KCNIP4: variants seen among roughly 807,000 people sequenced by gnomAD.
The protein encoded by KCNIP4 is potassium voltage-gated channel interacting protein 4.
A neutral mutation model predicts 34.0 loss-of-function variants in KCNIP4; 12 were observed. The observed-to-expected ratio is 0.35, with a 90% CI of 0.23 to 0.57. The LOEUF is 0.57. Ranked by LOEUF, KCNIP4 falls within the 20% of genes least tolerant of loss-of-function variation. KCNIP4 has a pLI of 0.83. For missense variants in KCNIP4, 238 were observed against 311.7 expected (o/e 0.76, Z 1.78); for synonymous variants, 124 against 102.2 (o/e 1.21, Z -1.29).
intron 1 of KCNIP4, among the ~76,000 whole-genome samples, chr4:21,774,815 T>G (rs1334993038): frequency 6.6e-6 from 1 of 152,192 alleles, no homozygotes; most frequent in Non-Finnish European, 1.5e-5. Flanking sequence ...TGTTCCTCTC[T>G]AAACCTGTTA....
chr4:21,911,773 T>C (rs759851080), intron 1 of KCNIP4, among the ~76,000 whole-genome samples: 5 of 151,998 alleles, frequency 3.3e-5, no homozygotes, highest in Admixed American at 6.6e-5. Flanking sequence ...AATGATTTCA[T>C]GGATCCTAAT....
intron 1 of KCNIP4, among the ~76,000 whole-genome samples, chr4:21,623,993 T>C (rs1432152239): frequency 2.6e-5 from 4 of 152,202 alleles, no homozygotes; most frequent in Non-Finnish European, 5.9e-5. Flanking sequence ...ATATACTGTA[T>C]ACATGCACAA....
intron 1 of KCNIP4, among the ~76,000 whole-genome samples, chr4:21,802,581 T>C (rs936498635): frequency 1.3e-5 from 2 of 152,046 alleles, no homozygotes; most frequent in Admixed American, 1.3e-4. Context: ...TAACATCAGG[T>C]TTCCTGACTC....
At chr4:21,508,184 C>T (rs956415884) in intron 1 of KCNIP4, among the ~76,000 whole-genome samples, 2 of 152,158 alleles carry the variant, frequency 1.3e-5, no homozygotes, top group Non-Finnish European at 2.9e-5. Flanking sequence ...AAGGATGCAA[C>T]TCTCAAAGGT....
At chr4:21,148,010 AT>A in intron 1 of KCNIP4, among the ~76,000 whole-genome samples, 1 of 151,354 alleles carries the variant, frequency 6.6e-6, no homozygotes, top group African/African-American at 2.4e-5. Flanking sequence ...AATTAAAAAA[AT>A]CAAGTACTAT....
intron 1 of KCNIP4, among the ~76,000 whole-genome samples, chr4:21,232,312 A>G (rs1421248191): frequency 6.6e-6 from 1 of 152,178 alleles, no homozygotes; most frequent in African/African-American, 2.4e-5. Flanking sequence ...TCATGCTTTA[A>G]TTAAGACAAA....
intron 1 of KCNIP4, among the ~76,000 whole-genome samples, chr4:21,138,071 C>T (rs1751650561): frequency 6.6e-6 from 1 of 151,948 alleles, no homozygotes; most frequent in Non-Finnish European, 1.5e-5. Flanking sequence ...AGGGTTTCAC[C>T]ATGTTGGCCA....
At position 21,577,373 on chromosome 4, in the gene KCNIP4, T is replaced by G. The variant is rs1740825121; in HGVS notation, c.61+371198A>C. On this transcript the variant is annotated intron_variant, in intron 1 of 8. Coordinates refer to ENST00000382152, the MANE Select transcript of KCNIP4 (RefSeq NM_025221.6). Reference sequence around the variant, plus strand: ...AGCTGCGCACTGTGGCTCACCCCTGTAATCCCAGCACTTTTGGAGGCTGAG... The same window carrying G: ...AGCTGCGCACTGTGGCTCACCCCTGGAATCCCAGCACTTTTGGAGGCTGAG... Among the ~76,000 whole-genome samples the G allele has an allele frequency of 2.0e-5, 3 of 152,294 alleles. No individual in the cohort carries two copies. In the South Asian group the frequency reaches 6.2e-4, roughly 32 times the overall value.
At chr4:21,629,011 G>A (rs1670184333) in intron 1 of KCNIP4, among the ~76,000 whole-genome samples, 1 of 152,138 alleles carries the variant, frequency 6.6e-6, no homozygotes, top group African/African-American at 2.4e-5. Context: ...ATTAACCTGA[G>A]ATAATAAAAT....
intron 3 of KCNIP4, among the ~76,000 whole-genome samples, chr4:20,781,823 C>T (rs1401536204): frequency 2.0e-5 from 3 of 152,136 alleles, no homozygotes; most frequent in African/African-American, 7.2e-5. Context: ...ATCATGCCTT[C>T]CTAACAGTCC....
chr4:21,209,320 C>T (rs957782511), intron 1 of KCNIP4, among the ~76,000 whole-genome samples: 1 of 152,058 alleles, frequency 6.6e-6, no homozygotes, highest in African/African-American at 2.4e-5. Context: ...TATAGTCATC[C>T]TATAGTGCTA....
intron 1 of KCNIP4, among the ~76,000 whole-genome samples, chr4:21,737,540 CGG>C (rs1716075431): frequency 6.6e-6 from 1 of 152,060 alleles, no homozygotes; most frequent in South Asian, 2.1e-4. Context: ...CATTTATTAA[CGG>C]CTACACAGCT....
At chr4:21,742,841 G>C (rs1252937641) in intron 1 of KCNIP4, among the ~76,000 whole-genome samples, 1 of 152,094 alleles carries the variant, frequency 6.6e-6, no homozygotes, top group African/African-American at 2.4e-5. Flanking sequence ...AATATATTAA[G>C]AGCATACACA....
Position 20,988,937 on chromosome 4 carries a change from TTTG to T in KCNIP4, c.62-106231_62-106229del, listed in dbSNP as rs1736834699. ...GGGCAGAAAGTCGGCACCAGTGGGA[TTTG>T]TGTAAGAAACCTTACAAATAAGCCT... On this transcript the variant is annotated intron_variant, in intron 1 of 8. Transcript: ENST00000382152. 2.0e-5 allele frequency among the ~76,000 whole-genome samples: 3 copies of T among 152,364 alleles called. No homozygotes were observed. In the South Asian group the frequency reaches 6.2e-4, roughly 32 times the overall value.
chr4:21,424,678 T>C (rs1007783336), intron 1 of KCNIP4, among the ~76,000 whole-genome samples: 43 of 152,202 alleles, frequency 2.8e-4, no homozygotes, highest in Admixed American at 2.7e-3. Flanking sequence ...TCTTACAAAA[T>C]ATAAGATTTC....
At chr4:20,733,656 CAA>C (rs1748893582) in intron 6 of KCNIP4, among the ~76,000 whole-genome samples, 1 of 152,056 alleles carries the variant, frequency 6.6e-6, no homozygotes, top group African/African-American at 2.4e-5. Flanking sequence ...AATTGAAGAA[CAA>C]GAGATATTTA....
At chr4:21,091,189 C>A (rs985538532) in intron 1 of KCNIP4, among the ~76,000 whole-genome samples, 2 of 152,150 alleles carry the variant, frequency 1.3e-5, no homozygotes, top group African/African-American at 4.8e-5. Flanking sequence ...TCTCTTCATT[C>A]ACTCAGCATT....
chr4:20,799,389 A>C (rs1434012934), intron 3 of KCNIP4, among the ~76,000 whole-genome samples: 1 of 152,152 alleles, frequency 6.6e-6, no homozygotes, highest in Non-Finnish European at 1.5e-5. Flanking sequence ...CTCCCCAGGC[A>C]TCTGGCAGCC....
intron 1 of KCNIP4, among the ~76,000 whole-genome samples, chr4:20,924,592 C>T (rs1729718036): frequency 6.6e-6 from 1 of 152,166 alleles, no homozygotes; most frequent in Non-Finnish European, 1.5e-5. Flanking sequence ...GAACGAATGA[C>T]TTTGCGCCAG....
Sources: gnomAD v4.1 joint callset for allele counts (sites outside exome capture counted in the v4.1 genomes callset) on GRCh38, gnomAD v4.1.1 for gene constraint, MANE v1.5 for transcripts, NCBI Gene and HGNC (gene_info 2026-07-23, HGNC 2026-07-21) for gene names.